The following UBE2R2 variants were observed in gnomAD, a reference collection of about 807,000 sequenced individuals.
The protein encoded by UBE2R2 is ubiquitin-conjugating enzyme E2 R2.
A neutral mutation model predicts 27.8 loss-of-function variants in UBE2R2; 1 was observed. The ratio of observed to expected loss-of-function variants is 0.04; its 90% CI spans 0.01 to 0.17. The LOEUF is 0.17. Among genes scored for constraint, UBE2R2 ranks in the 10% least tolerant of loss-of-function variants. UBE2R2 has a pLI of 1.00. For synonymous variants in UBE2R2, 106 were observed against 113.3 expected, an observed-to-expected ratio of 0.94 and a Z score of 0.41; for missense variants, 100 against 291.0, an observed-to-expected ratio of 0.34 and a Z score of 4.78.
chr9:33,865,682 A>C lies in UBE2R2; in HGVS notation c.178-21199A>C, dbSNP rs575509159. 5.9e-5 allele frequency among the ~76,000 whole-genome samples: 9 copies of C among 152,304 alleles called. No individual in the cohort carries two copies. In the East Asian group the frequency reaches 1.7e-3, roughly 29 times the overall value. ...ATTTAGACTAATTTTCAGTGTTTAC[A>C]TTAATATAACTATGTAAATAATAGT... On this transcript the variant is annotated intron_variant, in intron 1 of 4. Coordinates refer to ENST00000263228, the MANE Select transcript of UBE2R2 (RefSeq NM_017811.4).
intron 1 of UBE2R2, among the ~76,000 whole-genome samples, chr9:33,847,088 A>G (rs1484989784): frequency 1.2e-5 from 1 of 83,120 alleles, no homozygotes; most frequent in African/African-American, 4.8e-5. Flanking sequence ...TTTTCATTTT[A>G]TTGTTTTCTG....
intron 1 of UBE2R2, among the ~76,000 whole-genome samples, chr9:33,860,224 A>G (rs184297288): frequency 2.0e-5 from 3 of 152,216 alleles, no homozygotes; most frequent in Non-Finnish European, 4.4e-5. Context: ...ATTGATACAC[A>G]AGCCTCTTTT....
chr9:33,834,379 T>C (rs1005542966), intron 1 of UBE2R2, among the ~76,000 whole-genome samples: 1 of 151,536 alleles, frequency 6.6e-6, no homozygotes, highest in Non-Finnish European at 1.5e-5. Context: ...ACCCAGCTGA[T>C]TTTTTGTATT....
intron 1 of UBE2R2, among the ~76,000 whole-genome samples, chr9:33,860,981 C>T (rs1489208996): frequency 5.1e-5 from 7 of 137,660 alleles, no homozygotes; most frequent in African/African-American, 1.3e-4. Flanking sequence ...TTTTTTGAGA[C>T]GGAGTCTCGC....
At chr9:33,909,273 G>A (rs1822433543) in intron 3 of UBE2R2, among the ~76,000 whole-genome samples, 1 of 151,944 alleles carries the variant, frequency 6.6e-6, no homozygotes, top group African/African-American at 2.4e-5. Context: ...ATAACCTAAG[G>A]TCAGGAGTTT....
chr9:33,886,221 ATATTG>A (rs1281175891), intron 1 of UBE2R2, among the ~76,000 whole-genome samples: 1 of 152,350 alleles, frequency 6.6e-6, no homozygotes, highest in East Asian at 1.9e-4. Context: ...CCGTTGTTCC[ATATTG>A]TGTACTCTAA....
At chr9:33,872,713 G>GA (rs1311413545) in intron 1 of UBE2R2, among the ~76,000 whole-genome samples, 3 of 151,806 alleles carry the variant, frequency 2.0e-5, no homozygotes, top group Non-Finnish European at 4.4e-5. Context: ...TTGAACCTGG[G>GA]AGGTGGAGGT....
intron 1 of UBE2R2, among the ~76,000 whole-genome samples, chr9:33,818,308 T>TG (rs970954325): frequency 7.4e-6 from 1 of 134,980 alleles, no homozygotes; most frequent in Non-Finnish European, 1.5e-5. Flanking sequence ...CTGCGCAGGC[T>TG]GGAACTGCCC....
intron 1 of UBE2R2, among the ~76,000 whole-genome samples, chr9:33,827,233 G>A (rs1820334226): frequency 6.6e-6 from 1 of 152,204 alleles, no homozygotes; most frequent in South Asian, 2.1e-4. Context: ...TTGAGTTGAG[G>A]TGGGAGGATC....
At chr9:33,850,932 A>G (rs1316130347) in intron 1 of UBE2R2, among the ~76,000 whole-genome samples, 2 of 152,202 alleles carry the variant, frequency 1.3e-5, no homozygotes, top group Admixed American at 6.5e-5. Flanking sequence ...ACTTAGGCCA[A>G]TATTTACTTA....
chr9:33,865,053 G>A (rs749213707), intron 1 of UBE2R2, among the ~76,000 whole-genome samples: 2 of 150,870 alleles, frequency 1.3e-5, no homozygotes, highest in Non-Finnish European at 3.0e-5. Flanking sequence ...TAGAGATGGG[G>A]TCTTGACATG....
chr9:33,843,754 C>T (rs1339315475), intron 1 of UBE2R2, among the ~76,000 whole-genome samples: 2 of 152,070 alleles, frequency 1.3e-5, no homozygotes, highest in Non-Finnish European at 2.9e-5. Flanking sequence ...GGATTACAGG[C>T]GTGAGCCACT....
intron 1 of UBE2R2, among the ~76,000 whole-genome samples, chr9:33,880,107 A>G (rs1169280116): frequency 6.6e-6 from 1 of 150,790 alleles, no homozygotes. Context: ...GCTGCCCTCC[A>G]ACTCCTGCGC....
At chr9:33,830,158 ATT>A (rs34007720) in intron 1 of UBE2R2, among the ~76,000 whole-genome samples, 9 of 135,338 alleles carry the variant, frequency 6.7e-5, no homozygotes, top group Admixed American at 7.5e-5. Context: ...AAGTTTCATA[ATT>A]TTTTTTTTTT....
chr9:33,860,879 AGACT>A (rs934502100), intron 1 of UBE2R2, among the ~76,000 whole-genome samples: 3 of 151,990 alleles, frequency 2.0e-5, no homozygotes, highest in Admixed American at 6.6e-5. Context: ...ACTAGGTGAC[AGACT>A]GAGACACCCC....
At chr9:33,846,932 T>C (rs1419057199) in intron 1 of UBE2R2, among the ~76,000 whole-genome samples, 2 of 152,022 alleles carry the variant, frequency 1.3e-5, no homozygotes, top group Non-Finnish European at 2.9e-5. Context: ...ATAATTTTTA[T>C]AGTGCAGATC....
chr9:33,879,387 A>T (rs142546620), intron 1 of UBE2R2, among the ~76,000 whole-genome samples: 3 of 152,188 alleles, frequency 2.0e-5, no homozygotes. Flanking sequence ...ATATTGGTGC[A>T]TATCATCTAT....
intron 1 of UBE2R2, among the ~76,000 whole-genome samples, chr9:33,874,273 C>T (rs530158605): frequency 3.9e-5 from 6 of 151,944 alleles, no homozygotes; most frequent in Non-Finnish European, 8.8e-5. Flanking sequence ...TATTTTCAAA[C>T]TTAATTGAGT....
chr9:33,824,498 G>A (rs1170876898), intron 1 of UBE2R2, among the ~76,000 whole-genome samples: 1 of 152,120 alleles, frequency 6.6e-6, no homozygotes, highest in Non-Finnish European at 1.5e-5. Context: ...AATTAGCCAG[G>A]CATGGTGGTA....
Sources: allele counts gnomAD v4.1 joint callset (sites outside exome capture counted in the v4.1 genomes callset), GRCh38; gene constraint gnomAD v4.1.1; transcripts MANE v1.5; gene names NCBI Gene and HGNC (gene_info 2026-07-23, HGNC 2026-07-21).